The following NEDD4L variants were observed in gnomAD, a reference collection of about 807,000 sequenced individuals.
NEDD4L encodes the protein E3 ubiquitin-protein ligase NEDD4-like.
In NEDD4L, 54 loss-of-function variants were observed where a neutral mutation model predicts 148.9. The observed-to-expected ratio is 0.36, with a 90% CI of 0.29 to 0.45. The LOEUF (loss-of-function observed/expected upper bound fraction) is 0.45. Among genes scored for constraint, NEDD4L ranks in the 20% least tolerant of loss-of-function variants. The probability of loss-of-function intolerance (pLI) is 1.00; values close to 1 mark genes in which losing one functional copy is unlikely to be tolerated. For synonymous variants in NEDD4L, 433 were observed against 440.7 expected (o/e 0.98, Z 0.22); for missense variants, 856 against 1,233.8 (o/e 0.69, Z 4.59).
chr18:58,062,634 C>G (rs1223946952), intron 1 of NEDD4L, among the ~76,000 whole-genome samples: 1 of 152,120 alleles, frequency 6.6e-6, no homozygotes, highest in Non-Finnish European at 1.5e-5. Flanking sequence ...CTTTTCAGAT[C>G]CCATGTTCAT....
rs551228469 is a variant in NEDD4L at position 58,178,116 on chromosome 18, C to A, written c.122+12255C>A. On this transcript the variant is annotated intron_variant, in intron 2 of 30. Transcript: ENST00000400345. ...GGTCCACGGGCTGCAGTCTGCCAAC[C>A]TCTGATGTTATAAGCCATTGATTTT... 4.1e-4 allele frequency among the ~76,000 whole-genome samples: 62 copies of A among 152,276 alleles called. 2 individuals are homozygous for A. In the South Asian group the frequency reaches 0.011, roughly 28 times the overall value.
At chr18:58,205,271 C>G (rs2041867495) in intron 2 of NEDD4L, among the ~76,000 whole-genome samples, 1 of 152,132 alleles carries the variant, frequency 6.6e-6, no homozygotes, top group Non-Finnish European at 1.5e-5. Context: ...GGAGAATGAG[C>G]AGTAAAGCCA....
chr18:58,302,418 C>T (rs967244992), intron 5 of NEDD4L, among the ~76,000 whole-genome samples: 1 of 152,118 alleles, frequency 6.6e-6, no homozygotes, highest in South Asian at 2.1e-4. Context: ...TTTTAAAGCT[C>T]GTTCATATAC....
At chr18:58,052,038 GA>G (rs1014718044) in intron 1 of NEDD4L, among the ~76,000 whole-genome samples, 1 of 152,134 alleles carries the variant, frequency 6.6e-6, no homozygotes, top group African/African-American at 2.4e-5. Context: ...CTGGAATATG[GA>G]AATGATAGCA....
intron 1 of NEDD4L, among the ~76,000 whole-genome samples, chr18:58,112,843 C>T (rs1200949786): frequency 6.6e-6 from 1 of 152,162 alleles, no homozygotes; most frequent in Non-Finnish European, 1.5e-5. Flanking sequence ...CTACTATAGA[C>T]TGAATATTTG....
At chr18:58,063,039 C>CTTTTTTTTTTTTTTTTTTTTTTTTTT (rs74183235) in intron 1 of NEDD4L, among the ~76,000 whole-genome samples, 1 of 91,152 alleles carries the variant, frequency 1.1e-5, no homozygotes, top group African/African-American at 4.8e-5. Context: ...TTTATTTGTT[C>CTTTTTTTTTTTTTTTTTTTTTTTTTT]TTTTTTTTTT....
intron 5 of NEDD4L, among the ~76,000 whole-genome samples, chr18:58,303,938 T>C (rs1209663538): frequency 2.6e-5 from 4 of 152,010 alleles, no homozygotes; most frequent in African/African-American, 9.7e-5. Context: ...TCTTATAGAG[T>C]TGCCCAAAGA....
At chr18:58,373,001 TGTTTATA>T (rs2047094421) in intron 23 of NEDD4L, 166 bp from the exon 24 acceptor site, 1 of 498,132 alleles carries the variant, frequency 2.0e-6, no homozygotes, top group Non-Finnish European at 3.5e-6. Context: ...GCAGTTTGTT[TGTTTATA>T]GTTTAAAGAG....
At chr18:58,082,942 C>T (rs7242743) in intron 1 of NEDD4L, among the ~76,000 whole-genome samples, 3,489 of 152,204 alleles carry the variant, frequency 0.023, 121 homozygotes, top group African/African-American at 0.079. Context: ...GAAGCAGTTT[C>T]ATTCATCAAT....
chr18:58,255,962 G>C (rs185712362), intron 5 of NEDD4L: 3 of 1,230,762 alleles, frequency 2.4e-6, no homozygotes, highest in African/African-American at 1.6e-5. Context: ...GGACGGGTGC[G>C]GGCCGCCCGA....
intron 2 of NEDD4L, among the ~76,000 whole-genome samples, chr18:58,177,473 C>T (rs2038308397): frequency 6.6e-6 from 1 of 152,036 alleles, no homozygotes; most frequent in Non-Finnish European, 1.5e-5. Flanking sequence ...GATGCTGGAG[C>T]GTGGCTGCCG....
chr18:58,126,742 A>T (rs1346013145), intron 1 of NEDD4L, among the ~76,000 whole-genome samples: 1 of 152,202 alleles, frequency 6.6e-6, no homozygotes, highest in African/African-American at 2.4e-5. Flanking sequence ...TGGGAGCTCC[A>T]GTCTCTCCAT....
At chr18:58,127,048 G>T (rs1364543137) in intron 1 of NEDD4L, among the ~76,000 whole-genome samples, 3 of 152,142 alleles carry the variant, frequency 2.0e-5, no homozygotes, top group Admixed American at 1.3e-4. Flanking sequence ...CTCGCGGCTT[G>T]GTCACCTTCT....
At chr18:58,284,629 C>G (rs2053635654) in intron 5 of NEDD4L, among the ~76,000 whole-genome samples, 1 of 152,116 alleles carries the variant, frequency 6.6e-6, no homozygotes, top group South Asian at 2.1e-4. Flanking sequence ...TATGGGCAAG[C>G]TGATTTTATA....
At chr18:58,104,570 A>G (rs1242423266) in intron 1 of NEDD4L, among the ~76,000 whole-genome samples, 1 of 152,254 alleles carries the variant, frequency 6.6e-6, no homozygotes, top group East Asian at 1.9e-4. Flanking sequence ...GTTATGCGAC[A>G]AAAAGATAAG....
intron 1 of NEDD4L, among the ~76,000 whole-genome samples, chr18:58,136,864 A>G (rs930484549): frequency 3.9e-5 from 6 of 152,218 alleles, no homozygotes; most frequent in African/African-American, 1.4e-4. Context: ...AGTGTTGTAT[A>G]CACTGACTGG....
chr18:58,196,897 C>G (rs113282824), intron 2 of NEDD4L, among the ~76,000 whole-genome samples: 1 of 151,894 alleles, frequency 6.6e-6, no homozygotes, highest in Non-Finnish European at 1.5e-5. Flanking sequence ...AAGGCTGAGA[C>G]GGGAGCTCCT....
At chr18:58,320,091 A>T (rs1319770216) in intron 6 of NEDD4L, among the ~76,000 whole-genome samples, 1 of 152,182 alleles carries the variant, frequency 6.6e-6, no homozygotes, top group Admixed American at 6.5e-5. Context: ...TTTAAGCTGC[A>T]TAGGGTATGG....
intron 1 of NEDD4L, among the ~76,000 whole-genome samples, chr18:58,092,846 CCT>C (rs1207587131): frequency 2.0e-5 from 3 of 150,554 alleles, no homozygotes; most frequent in South Asian, 2.1e-4. Context: ...CCATGTACTC[CCT>C]CTCTCTCTTT....
Sources: allele counts gnomAD v4.1 joint callset (sites outside exome capture counted in the v4.1 genomes callset), GRCh38; gene constraint gnomAD v4.1.1; transcripts MANE v1.5; gene names NCBI Gene and HGNC (gene_info 2026-07-23, HGNC 2026-07-21).